STRN: variants seen among roughly 807,000 people sequenced by gnomAD.
STRN encodes striatin, also known as protein phosphatase 2 regulatory subunit B'''alpha.
In STRN, 53 loss-of-function variants were observed where a neutral mutation model predicts 96.3. That is an observed-to-expected ratio of 0.55 (90% CI 0.44 to 0.69). The LOEUF is 0.69. Among genes scored for constraint, STRN ranks in the 30% least tolerant of loss-of-function variants. STRN has a pLI of 0.00. For synonymous variants in STRN, 428 were observed against 355.9 expected (o/e 1.20, Z -2.28); for missense variants, 987 against 963.9 (o/e 1.02, Z -0.32).
At position 36,843,281 on chromosome 2, in the gene STRN, G is replaced by T. The variant is rs1226657152; in HGVS notation, c.*6175C>A. ...AGAGATGCCTTTTAAATTTCATATTGTATTGTGGATCCTGATTGGAACAAA... is the reference window on the plus strand; with the variant it reads ...AGAGATGCCTTTTAAATTTCATATTTTATTGTGGATCCTGATTGGAACAAA... On this transcript the variant is annotated 3_prime_UTR_variant, in exon 18 of 18. Coordinates refer to ENST00000263918, the MANE Select transcript of STRN (RefSeq NM_003162.4). 6.6e-6 allele frequency among the ~76,000 whole-genome samples: 1 copy of T among 152,124 alleles called. No homozygotes were observed. The highest frequency in any genetic ancestry group is 1.5e-5 in the Non-Finnish European group (1 of 68,004).
chr2:36,885,403 T>C (rs1474712931), intron 8 of STRN, among the ~76,000 whole-genome samples: 2 of 152,208 alleles, frequency 1.3e-5, no homozygotes, highest in African/African-American at 4.8e-5. Context: ...TTAACTGGTT[T>C]TTTGTCATGA....
rs570497850 is a variant in STRN, at chr2:36,906,627, T to C, written c.413-1009A>G. Among the ~76,000 whole-genome samples the C allele has an allele frequency of 4.0e-5, 6 of 151,834 alleles. No homozygotes were observed. The South Asian group carries it at 6.2e-4, about 16-fold the overall frequency. On this transcript the variant is annotated intron_variant, in intron 3 of 17. Coordinates refer to ENST00000263918, the MANE Select transcript of STRN (RefSeq NM_003162.4). ...CCTGTTTCCTTCATTAGCTATTACA[T>C]TTAAAAACTTCAGGTAGGCCAGGCG...
chr2:36,908,574 T>A (rs899795492), intron 3 of STRN, among the ~76,000 whole-genome samples: 1 of 152,188 alleles, frequency 6.6e-6, no homozygotes, highest in Non-Finnish European at 1.5e-5. Flanking sequence ...GTGACTTTTA[T>A]GATATGTAAA....
In STRN at chr2:36,941,950, G is replaced by A. The variant is rs1236321294; in HGVS notation, c.235-16742C>T. On this transcript the variant is annotated intron_variant, in intron 1 of 17. Coordinates refer to ENST00000263918, the MANE Select transcript of STRN (RefSeq NM_003162.4). ...ACCATTGTGGTAGATGTTGTGGGCC[G>A]GCTATTCGAAATACATATTCCCAAG... is the stretch of plus-strand genomic sequence containing the variant. Among the ~76,000 whole-genome samples the A allele has an allele frequency of 3.9e-5, 6 of 152,062 alleles. No homozygotes were observed. The East Asian group carries it at 1.2e-3, about 29-fold the overall frequency.
At chr2:36,923,174 G>GTACAT (rs1254054533) in intron 2 of STRN, among the ~76,000 whole-genome samples, 3 of 150,910 alleles carry the variant, frequency 2.0e-5, no homozygotes, top group Admixed American at 6.6e-5. Flanking sequence ...ACTCGGCCAG[G>GTACAT]TACATTCGCT....
At chr2:36,928,645 C>A (rs1310500748) in intron 1 of STRN, among the ~76,000 whole-genome samples, 1 of 138,126 alleles carries the variant, frequency 7.2e-6, no homozygotes, top group South Asian at 2.3e-4. Context: ...CAGTGAGACT[C>A]CATCTTAAAA....
At chr2:36,875,200 G>GA (rs1388182250) in intron 10 of STRN, among the ~76,000 whole-genome samples, 2 of 151,996 alleles carry the variant, frequency 1.3e-5, no homozygotes, top group African/African-American at 4.8e-5. Context: ...TAGAAAGGTG[G>GA]AAGGTTGAAT....
intron 9 of STRN, among the ~76,000 whole-genome samples, chr2:36,883,183 G>T (rs543606832): frequency 2.6e-4 from 40 of 152,066 alleles, no homozygotes; most frequent in African/African-American, 8.4e-4. Context: ...GGCCAGGCAT[G>T]GTGGCTCATG....
intron 2 of STRN, among the ~76,000 whole-genome samples, chr2:36,917,434 T>C (rs1448276958): frequency 6.7e-6 from 1 of 148,648 alleles, no homozygotes; most frequent in Non-Finnish European, 1.5e-5. Context: ...GGTGGGAGAA[T>C]CACTTAAACC....
At chr2:36,930,055 T>C (rs944863668) in intron 1 of STRN, among the ~76,000 whole-genome samples, 3 of 152,200 alleles carry the variant, frequency 2.0e-5, no homozygotes, top group Non-Finnish European at 4.4e-5. Context: ...TGAAAAGCTT[T>C]GGATTATATT....
intron 1 of STRN, among the ~76,000 whole-genome samples, chr2:36,959,069 T>C (rs544611705): frequency 5.9e-5 from 9 of 152,290 alleles, no homozygotes; most frequent in East Asian, 5.8e-4. Flanking sequence ...TGAGCCGAGA[T>C]TGTGCCACTG....
At chr2:36,899,209 A>G (rs1669619581) in intron 6 of STRN, among the ~76,000 whole-genome samples, 1 of 152,192 alleles carries the variant, frequency 6.6e-6, no homozygotes, top group Non-Finnish European at 1.5e-5. Flanking sequence ...TGTCAATTCT[A>G]TTCTCTTGTA....
intron 7 of STRN, among the ~76,000 whole-genome samples, chr2:36,887,380 G>A (rs1368253182): frequency 6.6e-6 from 1 of 151,836 alleles, no homozygotes; most frequent in East Asian, 1.9e-4. Context: ...TGAGGCAGAA[G>A]ACTCGCCTGA....
intron 1 of STRN, among the ~76,000 whole-genome samples, chr2:36,951,895 C>T (rs1017344002): frequency 6.6e-6 from 1 of 152,240 alleles, no homozygotes; most frequent in Non-Finnish European, 1.5e-5. Flanking sequence ...ACCCGCTGAG[C>T]TCCGCTTCCT....
intron 16 of STRN, among the ~76,000 whole-genome samples, chr2:36,850,796 A>C (rs1668197859): frequency 1.3e-5 from 2 of 152,166 alleles, no homozygotes; most frequent in Admixed American, 1.3e-4. Context: ...CTATTAAATA[A>C]ACCAAAATGA....
chr2:36,936,872 G>C (rs1268029273), intron 1 of STRN, among the ~76,000 whole-genome samples: 1 of 152,090 alleles, frequency 6.6e-6, no homozygotes, highest in Non-Finnish European at 1.5e-5. Context: ...TGAATTTTCA[G>C]AATAAAGCAT....
In STRN at chr2:36,848,331, G is replaced by A. The variant is rs1668132348; in HGVS notation, c.*1125C>T. 1 of 152,200 alleles carries A rather than the reference G, an allele frequency of 6.6e-6. No individual in the cohort carries two copies. The highest frequency in any genetic ancestry group is 2.1e-4 in the South Asian group (1 of 4,828). The allele number at this position is 152,200 out of a possible 1,614,324, so 9.4% of individuals were successfully genotyped here. On this transcript the variant is annotated 3_prime_UTR_variant, in exon 18 of 18. Transcript: ENST00000263918. Reference sequence around the variant, plus strand: ...TACAGGGATTAATAGAGGACTTCTAGGGTACAAAATATTTGTTTTTATTAG... The same window carrying A: ...TACAGGGATTAATAGAGGACTTCTAAGGTACAAAATATTTGTTTTTATTAG...
chr2:36,849,617 A>C lies in STRN; in HGVS notation c.2182T>G (p.Cys728Gly). The C allele has an allele frequency of 6.2e-7, 1 of 1,613,852 alleles. No homozygotes were observed. Among genetic ancestry groups the C allele is most frequent in the Non-Finnish European group, 8.5e-7 (1 of 1,179,882 alleles). Residue 728 changes from cysteine (C) to glycine (G), a missense_variant, in exon 18 of 18, where the codon TGT becomes GGT. Coordinates refer to ENST00000263918, the MANE Select transcript of STRN (RefSeq NM_003162.4). ...GLYLMSGSHD[C>G]SIRLWNLESK... is the part of the protein sequence containing the mutation. ...TCTAGATTCCATAAACGTATTGAACAGTCATGACCTATATCCAAAAAAAAA... is the reference window on the plus strand; with the variant it reads ...TCTAGATTCCATAAACGTATTGAACCGTCATGACCTATATCCAAAAAAAAA...
intron 15 of STRN, among the ~76,000 whole-genome samples, chr2:36,853,817 CATA>C (rs1668278018): frequency 6.6e-6 from 1 of 152,008 alleles, no homozygotes; most frequent in Non-Finnish European, 1.5e-5. Flanking sequence ...CACAGTAAAA[CATA>C]ATAAGAGACT....
Sources: allele counts gnomAD v4.1 joint callset (sites outside exome capture counted in the v4.1 genomes callset), GRCh38; gene constraint gnomAD v4.1.1; transcripts MANE v1.5; gene names NCBI Gene and HGNC (gene_info 2026-07-23, HGNC 2026-07-21).